PDE8A: variants seen among roughly 807,000 people sequenced by gnomAD.
The protein encoded by PDE8A is high affinity cAMP-specific and IBMX-insensitive 3',5'-cyclic phosphodiesterase 8A.
PDE8A carries 59 observed loss-of-function variants against 105.0 expected under a neutral mutation model. The observed-to-expected ratio is 0.56, with a 90% CI of 0.46 to 0.70. The LOEUF (loss-of-function observed/expected upper bound fraction) is 0.70. Among genes scored for constraint, PDE8A ranks in the 30% least tolerant of loss-of-function variants. PDE8A has a pLI of 0.00. For synonymous variants in PDE8A, 355 were observed against 371.9 expected (o/e 0.95, Z 0.52); for missense variants, 1,014 against 1,045.9 (o/e 0.97, Z 0.42).
chr15:85,113,268 A>C (rs1195439885), intron 12 of PDE8A, 109 bp from the exon 13 acceptor site: 8 of 885,450 alleles, frequency 9.0e-6, no homozygotes, highest in Non-Finnish European at 7.6e-6. Context: ...CAGCAAACTC[A>C]GTTCTATCCT....
At chr15:84,998,053 T>A (rs1218319278) in intron 1 of PDE8A, among the ~76,000 whole-genome samples, 2 of 152,244 alleles carry the variant, frequency 1.3e-5, no homozygotes, top group East Asian at 1.9e-4. Flanking sequence ...AAATTAAAAA[T>A]TTTTTATGTA....
chr15:85,061,364 G>A (rs1191291621), intron 1 of PDE8A, among the ~76,000 whole-genome samples: 1 of 151,954 alleles, frequency 6.6e-6, no homozygotes, highest in Non-Finnish European at 1.5e-5. Flanking sequence ...CTCCTGAGTA[G>A]CTGGGATTAC....
intron 1 of PDE8A, among the ~76,000 whole-genome samples, chr15:85,022,401 G>A (rs1370618397): frequency 6.7e-6 from 1 of 150,304 alleles, no homozygotes; most frequent in Non-Finnish European, 1.5e-5. Context: ...GTCCACCCAG[G>A]CAGCTTTGTC....
intron 12 of PDE8A, among the ~76,000 whole-genome samples, chr15:85,109,989 T>G (rs963271894): frequency 6.6e-6 from 1 of 152,220 alleles, no homozygotes; most frequent in African/African-American, 2.4e-5. Flanking sequence ...CTTCATCTAC[T>G]CTCTGTGTAG....
chr15:85,136,932 C>G (rs907593133), intron 21 of PDE8A, among the ~76,000 whole-genome samples: 20 of 152,216 alleles, frequency 1.3e-4, no homozygotes, highest in African/African-American at 4.6e-4. Flanking sequence ...GGGTTCAAAA[C>G]CAATCGTGCT....
chr15:85,069,044 T>G (rs1025405623), intron 3 of PDE8A, among the ~76,000 whole-genome samples: 1 of 152,204 alleles, frequency 6.6e-6, no homozygotes, highest in African/African-American at 2.4e-5. Flanking sequence ...GACTGAAAGT[T>G]ATAAAATGAA....
intron 1 of PDE8A, among the ~76,000 whole-genome samples, chr15:84,987,535 G>A (rs377142578): frequency 2.2e-4 from 32 of 144,648 alleles, no homozygotes; most frequent in African/African-American, 6.9e-4. Flanking sequence ...GTAATGGTGC[G>A]ATCTCAGCTT....
At chr15:85,079,615 A>G (rs2081433090) in intron 5 of PDE8A, among the ~76,000 whole-genome samples, 1 of 152,216 alleles carries the variant, frequency 6.6e-6, no homozygotes, top group Non-Finnish European at 1.5e-5. Context: ...AAAGTCAGAT[A>G]GAAAGAATAG....
chr15:85,114,119 T>C (rs577647210), intron 14 of PDE8A, 82 bp downstream of exon 14: 6 of 1,217,380 alleles, frequency 4.9e-6, no homozygotes, highest in Admixed American at 1.8e-5. Context: ...TAAACAGATA[T>C]TGAAGAGGCA....
chr15:85,010,359 A>T (rs751414594), intron 1 of PDE8A, among the ~76,000 whole-genome samples: 1 of 152,208 alleles, frequency 6.6e-6, no homozygotes, highest in Non-Finnish European at 1.5e-5. Context: ...TTAGGGACTT[A>T]GCATGTGCTT....
At chr15:85,125,024 G>A (rs968642476) in intron 19 of PDE8A, among the ~76,000 whole-genome samples, 1 of 152,184 alleles carries the variant, frequency 6.6e-6, no homozygotes, top group African/African-American at 2.4e-5. Flanking sequence ...CAGGCTGGCA[G>A]TATGAAACTA....
chr15:85,071,954 G>A (rs183147806), intron 3 of PDE8A, among the ~76,000 whole-genome samples: 5 of 152,260 alleles, frequency 3.3e-5, no homozygotes. Context: ...GTATTTCTTG[G>A]TGCAACAGGA....
At chr15:85,134,788 C>G (rs2082380669) in intron 20 of PDE8A, among the ~76,000 whole-genome samples, 1 of 152,096 alleles carries the variant, frequency 6.6e-6, no homozygotes, top group African/African-American at 2.4e-5. Context: ...ATATGGAGAG[C>G]CGGAGTGAGT....
At chr15:85,013,114 C>T (rs1355763293) in intron 1 of PDE8A, among the ~76,000 whole-genome samples, 1 of 152,108 alleles carries the variant, frequency 6.6e-6, no homozygotes, top group Non-Finnish European at 1.5e-5. Context: ...ACTAAATGAC[C>T]CTGCATTTGT....
chr15:85,012,548 TG>T (rs1436565088), intron 1 of PDE8A, among the ~76,000 whole-genome samples: 1 of 29,254 alleles, frequency 3.4e-5, no homozygotes, highest in East Asian at 1.2e-3. Flanking sequence ...GGGGCTGTTG[TG>T]GGTTGGGGGG....
intron 1 of PDE8A, among the ~76,000 whole-genome samples, chr15:85,049,410 A>G (rs7181707): frequency 0.043 from 6,544 of 151,766 alleles, 456 homozygotes; most frequent in African/African-American, 0.15. Flanking sequence ...TATTTTGACT[A>G]CTCCAAGTAC....
intron 1 of PDE8A, among the ~76,000 whole-genome samples, chr15:85,059,948 C>T (rs1245040669): frequency 6.6e-6 from 1 of 152,152 alleles, no homozygotes. Flanking sequence ...TTCAAGGCTA[C>T]AGTGAGCTAT....
intron 11 of PDE8A, among the ~76,000 whole-genome samples, chr15:85,101,465 A>C (rs148089855): frequency 1.4e-4 from 21 of 152,316 alleles, no homozygotes; most frequent in Admixed American, 3.3e-4. Flanking sequence ...GCAAGTACTA[A>C]ATTTTGACTT....
chr15:85,096,510 G>A (rs1160315823), intron 8 of PDE8A, among the ~76,000 whole-genome samples: 6 of 152,270 alleles, frequency 3.9e-5, no homozygotes, highest in Admixed American at 3.3e-4. Flanking sequence ...TCACAGTTTT[G>A]CAAATGTCAC....
Sources: allele counts gnomAD v4.1 joint callset (sites outside exome capture counted in the v4.1 genomes callset), GRCh38; gene constraint gnomAD v4.1.1; transcripts MANE v1.5; gene names NCBI Gene and HGNC (gene_info 2026-07-23, HGNC 2026-07-21).